PPP3CA: variants seen among roughly 807,000 people sequenced by gnomAD.
PPP3CA encodes CAM-PRP catalytic subunit.
In PPP3CA, 14 loss-of-function variants were observed where a neutral mutation model predicts 66.5. The observed-to-expected ratio is 0.21, with a 90% CI of 0.14 to 0.33. The LOEUF (loss-of-function observed/expected upper bound fraction) is 0.33, where lower values mean the gene tolerates loss of function less well. Among genes scored for constraint, PPP3CA ranks in the 10% least tolerant of loss-of-function variants. PPP3CA has a pLI of 1.00. For synonymous variants in PPP3CA, 232 were observed against 226.2 expected (o/e 1.03, Z -0.23); for missense variants, 317 against 639.5 (o/e 0.50, Z 5.44).
intron 1 of PPP3CA, among the ~76,000 whole-genome samples, chr4:101,265,858 A>G (rs1463120381): frequency 1.3e-5 from 2 of 152,170 alleles, no homozygotes; most frequent in Non-Finnish European, 2.9e-5. Context: ...GTCATGTAAT[A>G]GAGGGGAATA....
intron 10 of PPP3CA, among the ~76,000 whole-genome samples, chr4:101,049,739 C>T (rs1727928210): frequency 6.6e-6 from 1 of 151,928 alleles, no homozygotes; most frequent in Non-Finnish European, 1.5e-5. Context: ...TGCATGATAA[C>T]ATGTAACAAA....
chr4:101,318,036 T>C (rs562237217), intron 1 of PPP3CA, among the ~76,000 whole-genome samples: 2 of 152,210 alleles, frequency 1.3e-5, no homozygotes, highest in Admixed American at 1.3e-4. Context: ...CTCACTTCTC[T>C]TAAAAAATAG....
intron 1 of PPP3CA, among the ~76,000 whole-genome samples, chr4:101,324,696 A>C (rs10001055): frequency 0.025 from 3,768 of 151,774 alleles, 59 homozygotes; most frequent in African/African-American, 0.036. Context: ...GGAACAACAA[A>C]AAAAAAAAAG....
intron 1 of PPP3CA, among the ~76,000 whole-genome samples, chr4:101,285,329 C>G (rs1275403224): frequency 6.6e-6 from 1 of 152,058 alleles, no homozygotes; most frequent in Non-Finnish European, 1.5e-5. Flanking sequence ...CCCAACCATC[C>G]CTTCCATTAA....
intron 8 of PPP3CA, among the ~76,000 whole-genome samples, chr4:101,066,992 C>A (rs1728708952): frequency 6.6e-6 from 1 of 152,140 alleles, no homozygotes; most frequent in Non-Finnish European, 1.5e-5. Context: ...CTCCTTTATT[C>A]TACTGGCAAT....
chr4:101,248,008 GTT>G (rs924956221), intron 1 of PPP3CA, among the ~76,000 whole-genome samples: 1 of 152,158 alleles, frequency 6.6e-6, no homozygotes, highest in African/African-American at 2.4e-5. Context: ...GAGAGTAGGT[GTT>G]TAATTAACTG....
At chr4:101,299,815 T>C (rs1728319971) in intron 1 of PPP3CA, among the ~76,000 whole-genome samples, 1 of 152,136 alleles carries the variant, frequency 6.6e-6, no homozygotes, top group Non-Finnish European at 1.5e-5. Context: ...GTCATAAGCA[T>C]TAGGAGGTAA....
At position 101,161,898 on chromosome 4, in the gene PPP3CA, T is replaced by C. The variant is rs570201381; in HGVS notation, c.259+34018A>G. 5.3e-5 allele frequency among the ~76,000 whole-genome samples: 8 copies of C among 152,206 alleles called. 1 individual carries two copies. Among genetic ancestry groups the C allele is most frequent in the South Asian group, 2.1e-4 (1 of 4,826 alleles). ...GGCAGACATTTGACTTGGCTATATA[T>C]ACATTCTATAGAAAAATTTTACCTT... is the stretch of plus-strand genomic sequence containing the variant. On this transcript the variant is annotated intron_variant, in intron 2 of 13. Transcript: ENST00000394854.
At chr4:101,137,506 G>T (rs1269117855) in intron 2 of PPP3CA, among the ~76,000 whole-genome samples, 1 of 151,980 alleles carries the variant, frequency 6.6e-6, no homozygotes, top group African/African-American at 2.4e-5. Flanking sequence ...GTGCTATTGG[G>T]AATCATGTCA....
At chr4:101,325,042 G>A (rs1578194029) in intron 1 of PPP3CA, among the ~76,000 whole-genome samples, 1 of 152,128 alleles carries the variant, frequency 6.6e-6, no homozygotes, top group Non-Finnish European at 1.5e-5. Context: ...CAATACTAAG[G>A]TCTCATTTAG....
At chr4:101,343,536 A>G (rs1240806479) in intron 1 of PPP3CA, among the ~76,000 whole-genome samples, 3 of 152,204 alleles carry the variant, frequency 2.0e-5, no homozygotes, top group East Asian at 3.9e-4. Context: ...TAAACGGACC[A>G]TATTATTTTG....
At chr4:101,126,933 A>T (rs1190399831) in intron 2 of PPP3CA, among the ~76,000 whole-genome samples, 2 of 152,156 alleles carry the variant, frequency 1.3e-5, no homozygotes, top group Non-Finnish European at 1.5e-5. Context: ...TTAAGGAAAG[A>T]CATTTCCAAA....
chr4:101,233,204 G>A (rs1331550361), intron 1 of PPP3CA, among the ~76,000 whole-genome samples: 2 of 151,762 alleles, frequency 1.3e-5, no homozygotes, highest in African/African-American at 4.8e-5. Context: ...ATGATTGGAA[G>A]AGTGTACTAG....
At chr4:101,075,801 A>T (rs1011712271) in intron 8 of PPP3CA, among the ~76,000 whole-genome samples, 9 of 151,994 alleles carry the variant, frequency 5.9e-5, no homozygotes, top group African/African-American at 2.2e-4. Context: ...CTCATATCAC[A>T]CCACTCTTTT....
intron 2 of PPP3CA, among the ~76,000 whole-genome samples, chr4:101,147,235 CTT>C (rs1156736503): frequency 6.6e-6 from 1 of 152,120 alleles, no homozygotes; most frequent in Non-Finnish European, 1.5e-5. Context: ...CAAAGTTTTT[CTT>C]TTATGGCCAA....
At chr4:101,123,256 T>A (rs750626861) in intron 2 of PPP3CA, among the ~76,000 whole-genome samples, 1 of 152,180 alleles carries the variant, frequency 6.6e-6, no homozygotes, top group Non-Finnish European at 1.5e-5. Context: ...TAGGGGATCC[T>A]CAATAAATAT....
At chr4:101,279,621 G>C (rs939336829) in intron 1 of PPP3CA, among the ~76,000 whole-genome samples, 1 of 152,192 alleles carries the variant, frequency 6.6e-6, no homozygotes, top group Admixed American at 6.5e-5. Flanking sequence ...AACTTGCAGA[G>C]TCATTCATCA....
intron 9 of PPP3CA, 51 bp downstream of exon 9, chr4:101,063,181 C>T: frequency 6.3e-7 from 1 of 1,580,466 alleles, no homozygotes; most frequent in Non-Finnish European, 8.6e-7. Flanking sequence ...ATCTCCTTTC[C>T]TTCCTTCCTA....
rs1724099479 is a variant in PPP3CA at position 101,177,482 on chromosome 4, T to C, written c.259+18434A>G. Among the ~76,000 whole-genome samples, 3 of 152,100 alleles carry C rather than the reference T, an allele frequency of 2.0e-5. No homozygotes were observed. The South Asian group carries it at 6.2e-4, about 31-fold the overall frequency. On this transcript the variant is annotated intron_variant, in intron 2 of 13. Transcript: ENST00000394854. ...TAGACAATAGTTTTCACTAATACTA[T>C]TATTTTCACCCTCCTTTTCCTGTTA... is the stretch of plus-strand genomic sequence containing the variant.
Sources: gnomAD v4.1 joint callset for allele counts (sites outside exome capture counted in the v4.1 genomes callset) on GRCh38, gnomAD v4.1.1 for gene constraint, MANE v1.5 for transcripts, NCBI Gene and HGNC (gene_info 2026-07-23, HGNC 2026-07-21) for gene names.